NPAS3: variants seen among roughly 807,000 people sequenced by gnomAD.
The protein encoded by NPAS3 is neuronal PAS domain protein 3, also known as neuronal PAS domain-containing protein 3.
A neutral mutation model predicts 73.1 loss-of-function variants in NPAS3; 14 were observed. The observed-to-expected ratio is 0.19, with a 90% CI of 0.13 to 0.30. The LOEUF is 0.30. Ranked by LOEUF, NPAS3 falls within the 10% of genes least tolerant of loss-of-function variation. The pLI is 1.00. For missense variants in NPAS3, 1,096 were observed against 1,250.0 expected (o/e 0.88, Z 1.86); for synonymous variants, 620 against 541.5 (o/e 1.14, Z -2.01).
At chr14:33,555,422 C>T (rs980643536) in intron 4 of NPAS3, among the ~76,000 whole-genome samples, 10 of 151,922 alleles carry the variant, frequency 6.6e-5, no homozygotes, top group Non-Finnish European at 1.2e-4. Flanking sequence ...TCTTAATTGG[C>T]GCCTGTTGAA....
intron 2 of NPAS3, among the ~76,000 whole-genome samples, chr14:33,182,266 A>AT (rs1342366856): frequency 6.6e-6 from 1 of 152,044 alleles, no homozygotes; most frequent in Non-Finnish European, 1.5e-5. Context: ...TGCATTTTAT[A>AT]TTTTTTTCTG....
chr14:33,717,593 GC>G (rs1290225502), intron 6 of NPAS3, among the ~76,000 whole-genome samples: 2 of 151,928 alleles, frequency 1.3e-5, no homozygotes, highest in Non-Finnish European at 2.9e-5. Context: ...CCATCTTTTT[GC>G]TTGCATTCTC....
chr14:33,619,558 T>G (rs1171683004), intron 5 of NPAS3, among the ~76,000 whole-genome samples: 1 of 152,248 alleles, frequency 6.6e-6, no homozygotes, highest in Non-Finnish European at 1.5e-5. Flanking sequence ...GACAAGGATG[T>G]ATATGAAAGT....
At chr14:33,717,252 C>T (rs967147540) in intron 6 of NPAS3, among the ~76,000 whole-genome samples, 21 of 134,474 alleles carry the variant, frequency 1.6e-4, no homozygotes, top group South Asian at 1.5e-3. Context: ...AAAAAAAAAT[C>T]GCAAGGAGAG....
At chr14:33,024,789 A>T (rs1566477992) in intron 1 of NPAS3, among the ~76,000 whole-genome samples, 1 of 152,202 alleles carries the variant, frequency 6.6e-6, no homozygotes, top group Non-Finnish European at 1.5e-5. Flanking sequence ...TATTTTGTTT[A>T]TGTGTATCTG....
At chr14:33,553,404 T>C (rs2055212398) in intron 4 of NPAS3, among the ~76,000 whole-genome samples, 1 of 152,252 alleles carries the variant, frequency 6.6e-6, no homozygotes, top group African/African-American at 2.4e-5. Context: ...AGAGGCCATC[T>C]ATGGCTCTTA....
intron 2 of NPAS3, among the ~76,000 whole-genome samples, chr14:33,190,980 TTTA>T: frequency 6.6e-6 from 1 of 152,356 alleles, no homozygotes; most frequent in East Asian, 1.9e-4. Flanking sequence ...CCCACAATTC[TTTA>T]TTGTCTTTCC....
At chr14:32,940,508 C>A (rs1257714027) in intron 1 of NPAS3, among the ~76,000 whole-genome samples, 2 of 152,140 alleles carry the variant, frequency 1.3e-5, no homozygotes, top group Admixed American at 1.3e-4. Flanking sequence ...CTTTCTGTCT[C>A]CGAAGAGGAA....
At chr14:33,116,121 T>C (rs2139002649) in intron 2 of NPAS3, among the ~76,000 whole-genome samples, 1 of 152,244 alleles carries the variant, frequency 6.6e-6, no homozygotes, top group Admixed American at 6.5e-5. Flanking sequence ...TAGTGGCTTT[T>C]TGGAGGAAAT....
chr14:33,633,022 T>C (rs1352182172), intron 5 of NPAS3, among the ~76,000 whole-genome samples: 1 of 152,066 alleles, frequency 6.6e-6, no homozygotes, highest in African/African-American at 2.4e-5. Context: ...AATAAAAAAA[T>C]CCCGTAACAA....
chr14:33,203,082 A>T (rs926397708), intron 2 of NPAS3, among the ~76,000 whole-genome samples: 4 of 152,270 alleles, frequency 2.6e-5, no homozygotes, highest in African/African-American at 9.6e-5. Context: ...TCACAAAGAC[A>T]TTGCAAGTTA....
chr14:33,409,137 A>G lies in NPAS3; in HGVS notation c.468+41869A>G, dbSNP rs1014651509. Among the ~76,000 whole-genome samples the G allele has an allele frequency of 2.0e-5, 3 of 152,322 alleles. No individual in the cohort carries two copies. In the South Asian group the frequency reaches 6.2e-4, roughly 32 times the overall value. Reference sequence around the variant, plus strand: ...AATAAATTTCAAGAATAGGGTCCATACTATAAGCTCCAGGTGATATGTTTA... The same window carrying G: ...AATAAATTTCAAGAATAGGGTCCATGCTATAAGCTCCAGGTGATATGTTTA... On this transcript the variant is annotated intron_variant, in intron 4 of 11. Transcript: ENST00000356141.
intron 5 of NPAS3, among the ~76,000 whole-genome samples, chr14:33,562,326 T>C (rs889691038): frequency 6.6e-6 from 1 of 152,238 alleles, no homozygotes; most frequent in Non-Finnish European, 1.5e-5. Context: ...CTTGCTTTTA[T>C]ATATAATGGG....
intron 4 of NPAS3, among the ~76,000 whole-genome samples, chr14:33,410,797 C>A (rs1262938509): frequency 6.6e-6 from 1 of 152,172 alleles, no homozygotes; most frequent in African/African-American, 2.4e-5. Flanking sequence ...AGGCATGCGC[C>A]ACCACACCCG....
At chr14:33,636,045 C>A (rs558803515) in intron 5 of NPAS3, among the ~76,000 whole-genome samples, 1 of 152,180 alleles carries the variant, frequency 6.6e-6, no homozygotes, top group East Asian at 1.9e-4. Flanking sequence ...CTTAGCCTCC[C>A]GAGTAGCTGG....
chr14:33,025,062 G>T (rs916450794), intron 1 of NPAS3, among the ~76,000 whole-genome samples: 2 of 152,176 alleles, frequency 1.3e-5, no homozygotes, highest in Non-Finnish European at 2.9e-5. Flanking sequence ...TAAAAGTAAC[G>T]TATGTGTCTT....
chr14:33,129,728 G>T (rs969734719), intron 2 of NPAS3, among the ~76,000 whole-genome samples: 11 of 152,122 alleles, frequency 7.2e-5, no homozygotes, highest in African/African-American at 2.4e-4. Context: ...GTAGAAGTGA[G>T]TATGTATAAA....
intron 3 of NPAS3, among the ~76,000 whole-genome samples, chr14:33,252,948 C>T (rs930683101): frequency 3.9e-5 from 6 of 152,122 alleles, no homozygotes; most frequent in African/African-American, 7.2e-5. Context: ...CAGCTCCATC[C>T]GTGTTGCTGC....
chr14:33,078,661 A>G (rs2041758376), intron 2 of NPAS3, among the ~76,000 whole-genome samples: 1 of 152,210 alleles, frequency 6.6e-6, no homozygotes, highest in Non-Finnish European at 1.5e-5. Flanking sequence ...TTCTCTTAGA[A>G]TGAAATAACC....
Sources: allele counts gnomAD v4.1 joint callset (sites outside exome capture counted in the v4.1 genomes callset), GRCh38; gene constraint gnomAD v4.1.1; transcripts MANE v1.5; gene names NCBI Gene and HGNC (gene_info 2026-07-23, HGNC 2026-07-21).